Variants in PAH observed in about 807,000 individuals in gnomAD.
The protein encoded by PAH is phenylalanine hydroxylase, also known as phenylalanine-4-hydroxylase.
In PAH, 64 loss-of-function variants were observed where a neutral mutation model predicts 62.0. The observed-to-expected ratio is 1.03, with a 90% CI of 0.84 to 1.27. PAH has a LOEUF of 1.27. PAH is among the 50% of genes most tolerant of loss of function. The pLI is 0.00. For synonymous variants in PAH, 195 were observed against 196.2 expected, an observed-to-expected ratio of 0.99 and a Z score of 0.05; for missense variants, 579 against 542.8, an observed-to-expected ratio of 1.07 and a Z score of -0.66.
intron 1 of PAH, among the ~76,000 whole-genome samples, chr12:102,948,194 A>G (rs886154080): frequency 1.3e-5 from 2 of 152,180 alleles, no homozygotes; most frequent in Non-Finnish European, 1.5e-5. Flanking sequence ...TACGCATTTT[A>G]TAAGTTACAG....
chr12:102,846,428 T>G (rs1456513069), intron 9 of PAH, among the ~76,000 whole-genome samples: 1 of 152,168 alleles, frequency 6.6e-6, no homozygotes, highest in African/African-American at 2.4e-5. Context: ...ATAGCCCCAG[T>G]GGACAAGTGT....
chr12:102,952,819 T>C (rs1879808014), upstream of PAH, among the ~76,000 whole-genome samples: 1 of 152,252 alleles, frequency 6.6e-6, no homozygotes, highest in Admixed American at 6.5e-5. Flanking sequence ...GTTAGAAGGC[T>C]GAATTCCTTA....
chr12:102,921,968 G>T (rs1307407119), upstream of PAH, among the ~76,000 whole-genome samples: 10 of 151,666 alleles, frequency 6.6e-5, no homozygotes, highest in Non-Finnish European at 1.3e-4. Flanking sequence ...TATTTTTGAG[G>T]AGGTGAGCAC....
At chr12:102,849,932 T>TGACA (rs1412914232) in intron 8 of PAH, among the ~76,000 whole-genome samples, 1 of 152,236 alleles carries the variant, frequency 6.6e-6, no homozygotes, top group Non-Finnish European at 1.5e-5. Flanking sequence ...TGGAACCATG[T>TGACA]GACACTGATG....
intron 1 of PAH, among the ~76,000 whole-genome samples, chr12:102,956,905 T>C (rs1159615519): frequency 6.6e-6 from 1 of 151,974 alleles, no homozygotes; most frequent in Non-Finnish European, 1.5e-5. Context: ...AATGGGACAT[T>C]AGAGACCATA....
At chr12:102,848,298 A>G (rs1199242711) in intron 8 of PAH, among the ~76,000 whole-genome samples, 2 of 142,180 alleles carry the variant, frequency 1.4e-5, no homozygotes. Flanking sequence ...GGTTAAGTGT[A>G]GACAGGACAC....
intron 1 of PAH, among the ~76,000 whole-genome samples, chr12:102,945,565 C>A (rs930318693): frequency 1.1e-4 from 16 of 152,128 alleles, no homozygotes; most frequent in Non-Finnish European, 2.2e-4. Context: ...AGGGGTCTCT[C>A]ACCCTGGCTA....
chr12:102,929,088 C>T (rs558087550), intron 1 of PAH, among the ~76,000 whole-genome samples: 2 of 152,202 alleles, frequency 1.3e-5, no homozygotes, highest in African/African-American at 4.8e-5. Flanking sequence ...CTTCCTGCCA[C>T]CATGTGAAAA....
Position 102,957,146 on chromosome 12 carries a change from A to C in PAH, c.-96+1049T>G, listed in dbSNP as rs1000616080. On this transcript the variant is annotated intron_variant, in intron 1 of 4. Transcript: ENST00000551337. This position sits in a 1 kb window ranked among gnomAD's most constrained non-coding sequence, Gnocchi z 4.1. Reference sequence around the variant, plus strand: ...ACCCGAAGAGAATAACAGTGAGGAGAGAGAGAAAACAGGAAAAGTCGAGCC... The same window carrying C: ...ACCCGAAGAGAATAACAGTGAGGAGCGAGAGAAAACAGGAAAAGTCGAGCC... Among the ~76,000 whole-genome samples, 1 of 152,030 alleles carries C rather than the reference A, an allele frequency of 6.6e-6. No homozygotes were observed. The highest frequency in any genetic ancestry group is 2.1e-4 in the South Asian group (1 of 4,812).
chr12:102,860,156 A>C (rs111637917), intron 5 of PAH, among the ~76,000 whole-genome samples: 2 of 152,346 alleles, frequency 1.3e-5, no homozygotes, highest in South Asian at 4.1e-4. Flanking sequence ...TCAATGTGCA[A>C]AAATCACAAG....
chr12:102,892,775 G>A (rs1877328366), intron 3 of PAH, among the ~76,000 whole-genome samples: 2 of 152,336 alleles, frequency 1.3e-5, no homozygotes, highest in Admixed American at 6.5e-5. Flanking sequence ...GTGGTTGCTG[G>A]AAGGAGTCTG....
At chr12:102,948,213 G>A (rs1210105073) in intron 1 of PAH, among the ~76,000 whole-genome samples, 2 of 152,172 alleles carry the variant, frequency 1.3e-5, no homozygotes, top group Admixed American at 6.5e-5. Flanking sequence ...AGGTTTATGA[G>A]TTAATCAATC....
At chr12:102,918,260 A>T (rs978585437), upstream of PAH, among the ~76,000 whole-genome samples, 1 of 152,220 alleles carries the variant, frequency 6.6e-6, no homozygotes, top group Non-Finnish European at 1.5e-5. Context: ...AAAACAAAGT[A>T]TAAAAGAATG....
At chr12:102,856,787 GA>G (rs1875456353) in intron 5 of PAH, among the ~76,000 whole-genome samples, 4 of 152,228 alleles carry the variant, frequency 2.6e-5, no homozygotes, top group Admixed American at 2.6e-4. Context: ...CTGTTAGAAG[GA>G]AAACTAACAA....
At chr12:102,943,263 T>A (rs1303775102) in intron 1 of PAH, among the ~76,000 whole-genome samples, 1 of 152,030 alleles carries the variant, frequency 6.6e-6, no homozygotes, top group Non-Finnish European at 1.5e-5. Context: ...GCAAAGGACA[T>A]GAACAGACAC....
intron 2 of PAH, among the ~76,000 whole-genome samples, chr12:102,896,255 G>A (rs1328414247): frequency 1.3e-5 from 2 of 152,212 alleles, no homozygotes; most frequent in Admixed American, 6.5e-5. Flanking sequence ...AAGGCCGGAA[G>A]GTGGCAGCAT....
Position 102,924,899 on chromosome 12 carries a change from G to A in PAH, c.-95-7674C>T, listed in dbSNP as rs115761968. Among the ~76,000 whole-genome samples the A allele has an allele frequency of 9.1e-3, 1,383 of 152,210 alleles. 23 individuals carry two copies. The highest frequency in any genetic ancestry group is 0.032 in the African/African-American group (1,320 of 41,538). On this transcript the variant is annotated intron_variant, in intron 1 of 3. Transcript: ENST00000546844. The stretch of plus-strand genomic sequence containing the variant: ...CTGTGTAAATTCATTTGGATTCCTG[G>A]TTTACTCATTTGCCAATGTTATGAA...
intron 7 of PAH, chr12:102,852,199 G>T (rs1415977170): frequency 4.8e-6 from 1 of 209,438 alleles, no homozygotes; most frequent in East Asian, 1.1e-4. Context: ...CTGTTAGTCT[G>T]GAGGTGGACA....
At chr12:102,847,001 C>G (rs754882261) in intron 8 of PAH, 50 bp from the exon 9 acceptor site, 14 of 1,479,118 alleles carry the variant, frequency 9.5e-6, no homozygotes, top group Non-Finnish European at 1.3e-5. Context: ...ATTGGAACCA[C>G]AGAACCAACC....
Sources: gnomAD v4.1 joint callset for allele counts (sites outside exome capture counted in the v4.1 genomes callset) on GRCh38, gnomAD v4.1.1 for gene constraint, Gnocchi (gnomAD v3.1) non-coding constraint, MANE v1.5 for transcripts, NCBI Gene and HGNC (gene_info 2026-07-23, HGNC 2026-07-21) for gene names.